Variants in DENND1B observed in about 807,000 individuals in gnomAD.
The protein encoded by DENND1B is DENN domain containing 1B.
In DENND1B, 59 loss-of-function variants were observed where a neutral mutation model predicts 90.1. The ratio of observed to expected loss-of-function variants is 0.65; its 90% CI spans 0.53 to 0.81. The LOEUF is 0.81. DENND1B is among the 40% of genes least tolerant of loss of function. DENND1B has a pLI of 0.00. For missense variants in DENND1B, 862 were observed against 912.6 expected (o/e 0.94, Z 0.71); for synonymous variants, 337 against 324.6 (o/e 1.04, Z -0.41).
intron 5 of DENND1B, among the ~76,000 whole-genome samples, chr1:197,661,554 A>G (rs957683973): frequency 7.9e-5 from 12 of 152,150 alleles, no homozygotes; most frequent in African/African-American, 2.9e-4. Flanking sequence ...CTTTAGATAA[A>G]GCAAAATGTA....
chr1:197,657,579 G>A (rs550551607), intron 6 of DENND1B, among the ~76,000 whole-genome samples: 26 of 152,192 alleles, frequency 1.7e-4, no homozygotes, highest in Non-Finnish European at 3.7e-4. Flanking sequence ...GAAAAGAAAA[G>A]AAAAGAGCGA....
rs190345164 is a variant in DENND1B at position 197,607,939 on chromosome 1, T to G, written c.820-765A>C. Among the ~76,000 whole-genome samples the G allele has an allele frequency of 2.0e-5, 3 of 150,830 alleles. No individual in the cohort carries two copies. The East Asian group carries it at 5.9e-4, about 29-fold the overall frequency. ...AACTAATAGGTATACTTAATTCATA[T>G]AATTTTATTAGTCTTATTTAATTTG... On this transcript the variant is annotated intron_variant, in intron 12 of 22. Coordinates refer to ENST00000620048, the MANE Select transcript of DENND1B (RefSeq NM_001195215.2).
In DENND1B at chr1:197,540,957, ACCTT is replaced by A; in HGVS notation, c.1405_1407+1del. ...AAATGGAAAAAAATGAATATGACAT[ACCTT>A]GTGTTTTAGTTTACTCTTCACTTCC... is the stretch of plus-strand genomic sequence containing the variant. On this transcript the variant is annotated splice_donor_variant and coding_sequence_variant, in exon 19 of 23. Coordinates refer to ENST00000620048, the MANE Select transcript of DENND1B (RefSeq NM_001195215.2). LOFTEE classifies it high-confidence loss of function. 6.2e-7 allele frequency: 1 copy of A among 1,611,276 alleles called. No homozygotes were observed. Among genetic ancestry groups the A allele is most frequent in the Non-Finnish European group, 8.5e-7 (1 of 1,178,498 alleles).
intron 9 of DENND1B, 149 bp downstream of exon 9, chr1:197,645,541 T>A: frequency 2.3e-6 from 1 of 437,184 alleles, no homozygotes; most frequent in Middle Eastern, 6.5e-4. Flanking sequence ...GAAAATAATA[T>A]CTTTATTTCT....
chr1:197,759,895 G>GAA (rs1654807858), intron 2 of DENND1B, among the ~76,000 whole-genome samples: 1 of 151,888 alleles, frequency 6.6e-6, no homozygotes, highest in Non-Finnish European at 1.5e-5. Context: ...GAATGAGATT[G>GAA]AAAAATCCCT....
rs1266627274 is a variant in DENND1B, at chr1:197,583,228, T to A, written c.1073A>T (p.Glu358Val). The A allele has an allele frequency of 2.5e-6, 4 of 1,613,700 alleles. No individual in the cohort carries two copies. The highest frequency in any genetic ancestry group is 1.3e-5 in the African/African-American group (1 of 74,906). ...GCTTGAGCGGTGCTTTACAAAACTC[T>A]CCTCACAGAAAGTGATGGGCTCACC... ...KPGEPITFCE[E>V]SFVKHRSSVM... The change falls in exon 15 of 23, where the codon GAG becomes GTG. Residue 358 changes from glutamate to valine, a missense_variant. Glu to Val is a moderately radical substitution (Grantham distance 121). Coordinates refer to ENST00000620048, the MANE Select transcript of DENND1B (RefSeq NM_001195215.2).
chr1:197,538,407 C>T (rs570862396), intron 20 of DENND1B, among the ~76,000 whole-genome samples: 129 of 152,158 alleles, frequency 8.5e-4, no homozygotes, highest in Non-Finnish European at 1.3e-3. Flanking sequence ...TTTCTGACTT[C>T]GGGAATAATT....
rs1169124361 is a variant in DENND1B, at chr1:197,600,613, G to A, written c.922-5280C>T. On this transcript the variant is annotated intron_variant, in intron 13 of 22. Coordinates refer to ENST00000620048, the MANE Select transcript of DENND1B (RefSeq NM_001195215.2). The stretch of plus-strand genomic sequence containing the variant: ...CAATAGAGAAATACATTTCTATTTT[G>A]ATCTAAGAATGAGTATTCAGGTATT... 2.6e-5 allele frequency among the ~76,000 whole-genome samples: 4 copies of A among 151,728 alleles called. 1 individual carries two copies. The highest frequency in any genetic ancestry group is 9.7e-5 in the African/African-American group (4 of 41,334).
At chr1:197,644,451 G>A (rs1038358991) in intron 9 of DENND1B, among the ~76,000 whole-genome samples, 3 of 152,144 alleles carry the variant, frequency 2.0e-5, no homozygotes, top group Non-Finnish European at 4.4e-5. Context: ...GTAAACATAA[G>A]AGAAAGGTAA....
intron 13 of DENND1B, among the ~76,000 whole-genome samples, chr1:197,599,312 C>T (rs1675989664): frequency 6.6e-6 from 1 of 151,690 alleles, no homozygotes; most frequent in African/African-American, 2.4e-5. Context: ...TCTAGATATG[C>T]TTTTGCAGTA....
intron 2 of DENND1B, among the ~76,000 whole-genome samples, chr1:197,720,491 TC>T (rs1661064499): frequency 6.6e-6 from 1 of 152,006 alleles, no homozygotes; most frequent in African/African-American, 2.4e-5. Context: ...TCGTACTGCC[TC>T]CGCCTCCCAA....
At chr1:197,685,135 A>C (rs1657103092) in intron 3 of DENND1B, among the ~76,000 whole-genome samples, 1 of 152,148 alleles carries the variant, frequency 6.6e-6, no homozygotes. Context: ...AAAACAAAAC[A>C]AAACAAAAAC....
At position 197,605,546 on chromosome 1, in the gene DENND1B, G is replaced by A. The variant is rs78683230; in HGVS notation, c.921+1527C>T. On this transcript the variant is annotated intron_variant, in intron 13 of 22. Transcript: ENST00000620048. The stretch of plus-strand genomic sequence containing the variant: ...AAGGCATTAACGGTAGGAAGTACAT[G>A]CATATAAGGAAAGCATTCTTAAAAG... 4 of 150,758 alleles carry A rather than the reference G, an allele frequency of 2.7e-5. No homozygotes were observed. In the Admixed American group the frequency reaches 2.7e-4, roughly 10 times the overall value. 9.3% of individuals were successfully genotyped at this position (150,758 alleles called of 1,614,324 possible).
At chr1:197,512,355 T>C (rs907602700) in intron 21 of DENND1B, among the ~76,000 whole-genome samples, 4 of 151,708 alleles carry the variant, frequency 2.6e-5, no homozygotes, top group African/African-American at 7.3e-5. Flanking sequence ...GACAGAGATA[T>C]AGTTAATGAA....
rs1662429719 is a variant in DENND1B at position 197,734,298 on chromosome 1, G to C, written c.83-19224C>G. ...AACCTGTAAAAAGTTAAACACATTA[G>C]ATAAATTTAAATTCAGTCATATGAT... On this transcript the variant is annotated intron_variant, in intron 2 of 22. Transcript: ENST00000620048. 3.2e-6 allele frequency: 3 copies of C among 944,524 alleles called. No individual in the cohort carries two copies. In the South Asian group the frequency reaches 1.5e-4, roughly 46 times the overall value. The allele number at this position is 944,524 out of a possible 1,614,324, so 58.5% of individuals were successfully genotyped here. A position where few individuals can be genotyped will look rare whatever the true frequency, so the allele number is the denominator to read the frequency against.
intron 2 of DENND1B, among the ~76,000 whole-genome samples, chr1:197,731,246 T>G (rs1158369730): frequency 1.3e-5 from 2 of 151,958 alleles, no homozygotes; most frequent in African/African-American, 4.8e-5. Context: ...AATCACACAT[T>G]TAGAAAAATA....
chr1:197,671,234 T>C (rs556678362), intron 5 of DENND1B, among the ~76,000 whole-genome samples: 24 of 152,320 alleles, frequency 1.6e-4, no homozygotes, highest in Middle Eastern at 3.4e-3. Flanking sequence ...TTTGGAGTCC[T>C]ATTTTTATAG....
At chr1:197,530,045 C>T (rs1669508857) in intron 20 of DENND1B, among the ~76,000 whole-genome samples, 1 of 152,066 alleles carries the variant, frequency 6.6e-6, no homozygotes, top group African/African-American at 2.4e-5. Flanking sequence ...ATGGCTGTAC[C>T]CTTGACATTT....
intron 11 of DENND1B, among the ~76,000 whole-genome samples, chr1:197,616,575 G>A (rs1180250832): frequency 2.0e-5 from 3 of 150,932 alleles, no homozygotes; most frequent in African/African-American, 4.9e-5. Context: ...ATATATTAAC[G>A]TAATCAATAT....
Sources: gnomAD v4.1 joint callset for allele counts (sites outside exome capture counted in the v4.1 genomes callset) on GRCh38, gnomAD v4.1.1 for gene constraint, MANE v1.5 for transcripts, NCBI Gene and HGNC (gene_info 2026-07-23, HGNC 2026-07-21) for gene names.